SMC1A: variants seen among roughly 807,000 people sequenced by gnomAD.
The protein encoded by SMC1A is structural maintenance of chromosomes protein 1A.
Under a neutral mutation model 94.5 loss-of-function variants are expected in SMC1A, and 4 were observed. The ratio of observed to expected loss-of-function variants is 0.04; its 90% confidence interval spans 0.02 to 0.10. SMC1A has a LOEUF of 0.10. Ranked by LOEUF, SMC1A falls within the 10% of genes least tolerant of loss-of-function variation. SMC1A has a pLI of 1.00. For missense variants in SMC1A, 304 were observed against 989.0 expected (o/e 0.31, Z 9.29); for synonymous variants, 345 against 347.7 (o/e 0.99, Z 0.09).
intron 16 of SMC1A, among the ~76,000 whole-genome samples, chrX:53,397,458 G>A (rs2075655409): frequency 9.0e-6 from 1 of 111,524 alleles, no homozygotes; most frequent in Non-Finnish European, 1.9e-5. Flanking sequence ...GCACACGCCT[G>A]TGGTCCCAGC....
chrX:53,384,560 G>A (rs782819418), intron 19 of SMC1A, among the ~76,000 whole-genome samples: 7 of 111,061 alleles, frequency 6.3e-5, no homozygotes, highest in Admixed American at 3.9e-4. Flanking sequence ...CACCATGCCC[G>A]GCCAGGAACA....
Position 53,375,865 on chromosome X carries a change from C to G in SMC1A, c.*4238G>C, listed in dbSNP as rs1470433974. The G allele has an allele frequency of 1.2e-4, 13 of 112,287 alleles. No homozygotes were observed. Among genetic ancestry groups the G allele is most frequent in the African/African-American group, 4.2e-4 (13 of 30,851 alleles). 9.3% of individuals were successfully genotyped at this position (112,287 alleles called of 1,213,427 possible). A position where few individuals can be genotyped will look rare whatever the true frequency, so the allele number is the denominator to read the frequency against. On this transcript the variant is annotated 3_prime_UTR_variant, in exon 25 of 25. Transcript: ENST00000322213. ...ATCATCTTACCTTAACAGTTCACACCTTAACACCTCCAATCTATTCCTACT... is the reference window on the plus strand; with the variant it reads ...ATCATCTTACCTTAACAGTTCACACGTTAACACCTCCAATCTATTCCTACT...
intron 9 of SMC1A, among the ~76,000 whole-genome samples, chrX:53,407,544 T>G (rs1387510643): frequency 8.9e-6 from 1 of 112,155 alleles, no homozygotes; most frequent in Non-Finnish European, 1.9e-5. Context: ...AGTAAATTAA[T>G]CGAACCCAGG....
intron 19 of SMC1A, among the ~76,000 whole-genome samples, chrX:53,388,758 G>A (rs1194153662): frequency 7.3e-5 from 8 of 109,526 alleles, no homozygotes; most frequent in African/African-American, 2.7e-4. Flanking sequence ...AGCACTCTGG[G>A]AGGCCGAGGC....
chrX:53,394,837 T>G lies in SMC1A; in HGVS notation c.2914A>C (p.Ile972Leu). 8.4e-7 allele frequency: 1 copy of G among 1,188,266 alleles called. No homozygotes were observed. The highest frequency in any genetic ancestry group is 1.1e-6 in the Non-Finnish European group (1 of 882,374). ...TCAATGAGGGCCTCTCGTGCATAGA[T>G]ACTGGAAATTCTCTGTGAACCACTC... The part of the protein sequence containing the change: ...SVSGSQRISS[I>L]YAREALIEID... The change falls in exon 19 of 25, where the codon ATC (isoleucine) becomes CTC (leucine). Residue 972 changes from isoleucine (I) to leucine (L), a missense_variant. Coordinates refer to ENST00000322213, the MANE Select transcript of SMC1A (RefSeq NM_006306.4).
At chrX:53,406,445 C>A (rs1264007) in intron 9 of SMC1A, among the ~76,000 whole-genome samples, 48,048 of 110,456 alleles carry the variant, frequency 0.43, 9,262 homozygotes, top group Non-Finnish European at 0.59. Flanking sequence ...GAGGGAAACT[C>A]AGTATTACAT....
At chrX:53,400,749 G>T (rs1362706352) in intron 15 of SMC1A, among the ~76,000 whole-genome samples, 1 of 111,728 alleles carries the variant, frequency 9.0e-6, no homozygotes, top group East Asian at 2.8e-4. Flanking sequence ...GGCCAGGCAG[G>T]ACTAACTTCC....
At chrX:53,393,305 TC>T (rs1294174063) in intron 19 of SMC1A, among the ~76,000 whole-genome samples, 1 of 110,138 alleles carries the variant, frequency 9.1e-6, no homozygotes, top group Non-Finnish European at 1.9e-5. Flanking sequence ...CCCAGTTCCT[TC>T]CATAGATAAA....
intron 1 of SMC1A, chrX:53,422,065 G>A: frequency 8.4e-7 from 1 of 1,196,364 alleles, no homozygotes; most frequent in Non-Finnish European, 1.1e-6. Flanking sequence ...CACCGTTTGG[G>A]ACCGAAGGCC....
At chrX:53,415,427 C>T (rs782659301) in intron 1 of SMC1A, among the ~76,000 whole-genome samples, 1 of 110,851 alleles carries the variant, frequency 9.0e-6, no homozygotes, top group Non-Finnish European at 1.9e-5. Context: ...GTGACTCACA[C>T]CTGTAATCCC....
At position 53,413,355 on chromosome X, in the gene SMC1A, C is replaced by T. The variant is rs781882506; in HGVS notation, c.492G>A (p.Leu164=). 1 of 1,209,863 alleles carries T rather than the reference C, an allele frequency of 8.3e-7. No individual in the cohort carries two copies. The highest frequency in any genetic ancestry group is 1.8e-5 in the South Asian group (1 of 56,806). ...TCTTTCGCTTGTCATACTCCTGCGC[C>T]AGCTCCCCAGAACGACTAATCTCTT... is the stretch of plus-strand genomic sequence containing the variant. ...LFEEISRSGE[L]AQEYDKRKKE... is the part of the protein sequence containing the mutation. Residue 164 remains leucine, a synonymous_variant, in exon 4 of 25, where the codon CTG becomes CTA. Coordinates refer to ENST00000322213, the MANE Select transcript of SMC1A (RefSeq NM_006306.4).
rs2075575575 is a variant in SMC1A, at chrX:53,379,937, A to T, written c.*166T>A. 1 of 476,197 alleles carries T rather than the reference A, an allele frequency of 2.1e-6. No homozygotes were observed. Among genetic ancestry groups the T allele is most frequent in the South Asian group, 3.0e-5 (1 of 33,019 alleles). 39.2% of individuals were successfully genotyped at this position (476,197 alleles called of 1,213,427 possible). On this transcript the variant is annotated 3_prime_UTR_variant, in exon 25 of 25. Transcript: ENST00000322213. ...TGTCGTTCAGGAATTTTTGCTCCAG[A>T]CCTAACATCACCTCTGTTCCTCTTC...
intron 5 of SMC1A, among the ~76,000 whole-genome samples, chrX:53,412,460 C>T (rs1257408547): frequency 1.8e-5 from 2 of 112,431 alleles, no homozygotes; most frequent in Admixed American, 9.4e-5. Context: ...GCATTCCAGC[C>T]ACTCCATAAG....
At chrX:53,396,060 G>A (rs188304002) in intron 18 of SMC1A, among the ~76,000 whole-genome samples, 167 bp downstream of exon 18, 13 of 110,873 alleles carry the variant, frequency 1.2e-4, no homozygotes, top group Non-Finnish European at 1.7e-4. Context: ...CGCCTCACCT[G>A]CCTTCACCAC....
At chrX:53,391,576 C>T (rs782147818) in intron 19 of SMC1A, among the ~76,000 whole-genome samples, 15 of 111,189 alleles carry the variant, frequency 1.3e-4, no homozygotes, top group African/African-American at 4.9e-4. Flanking sequence ...ACCCAGGCTA[C>T]AGCGCACTGG....
At chrX:53,385,432 G>T (rs929361184) in intron 19 of SMC1A, among the ~76,000 whole-genome samples, 1 of 107,727 alleles carries the variant, frequency 9.3e-6, no homozygotes, top group Non-Finnish European at 1.9e-5. Flanking sequence ...CACCATGCCC[G>T]GCTAATTTTT....
chrX:53,412,011 G>A lies in SMC1A; in HGVS notation c.1097C>T (p.Thr366Met), dbSNP rs937651485. The A allele has an allele frequency of 2.5e-6, 3 of 1,211,282 alleles. No homozygotes were observed. Among genetic ancestry groups the A allele is most frequent in the Non-Finnish European group, 3.4e-6 (3 of 895,334 alleles). The change falls in exon 6 of 25, where the codon ACG becomes ATG. Residue 366 changes from threonine to methionine, a missense_variant. Around this residue, in one of 11 missense-constraint regions of SMC1A, gnomAD observed 120 missense variants for 314.9 expected, o/e 0.38. Coordinates refer to ENST00000322213, the MANE Select transcript of SMC1A (RefSeq NM_006306.4). ...EESQSQGRDL[T>M]LEENQVKKYH... ...AGAGCTTACCTGATTCTCCTCCAAC[G>A]TCAAATCTCTGCCCTGACTCTGACT...
chrX:53,397,692 C>A, intron 16 of SMC1A, among the ~76,000 whole-genome samples: 1 of 111,828 alleles, frequency 8.9e-6, no homozygotes, highest in Non-Finnish European at 1.9e-5. Context: ...GATAATGCGG[C>A]AACATGTTGA....
At position 53,383,079 on chromosome X, in the gene SMC1A, T is replaced by C. The variant is rs1423128007; in HGVS notation, c.3130+18A>G. On this transcript the variant is annotated intron_variant, in intron 20 of 24. Transcript: ENST00000322213. ...CTCTTGTCCTCATCGTAGGCCCAAG[T>C]AGAAGGGTAAATCTTACCATCTGAG... is the stretch of plus-strand genomic sequence containing the variant. The C allele has an allele frequency of 1.7e-6, 2 of 1,205,289 alleles. No homozygotes were observed. Among genetic ancestry groups the C allele is most frequent in the South Asian group, 3.6e-5 (2 of 56,202 alleles).
Sources: allele counts gnomAD v4.1 joint callset (sites outside exome capture counted in the v4.1 genomes callset), GRCh38; gene constraint gnomAD v4.1.1; regional missense constraint gnomAD v4.1.1; transcripts MANE v1.5; gene names NCBI Gene and HGNC (gene_info 2026-07-23, HGNC 2026-07-21).